SNTG2: variants seen among roughly 807,000 people sequenced by gnomAD.
SNTG2 encodes the protein syntrophin gamma 2.
SNTG2 carries 74 observed loss-of-function variants against 70.9 expected under a neutral mutation model. The observed-to-expected ratio is 1.04, with a 90% CI of 0.86 to 1.27. The LOEUF is 1.27. Ranked by LOEUF, SNTG2 falls within the 50% of genes most tolerant of loss-of-function variation. The pLI is 0.00. For synonymous variants in SNTG2, 278 were observed against 273.8 expected (o/e 1.02, Z -0.15); for missense variants, 717 against 690.7 (o/e 1.04, Z -0.43).
intron 16 of SNTG2, among the ~76,000 whole-genome samples, chr2:1,352,279 C>T (rs769820005): frequency 1.2e-4 from 19 of 152,190 alleles, no homozygotes; most frequent in Admixed American, 5.9e-4. Context: ...TTTGGGGTAC[C>T]GGCCTCTCCT....
At chr2:1,263,643 G>A (rs1045852657) in intron 13 of SNTG2, among the ~76,000 whole-genome samples, 4 of 152,142 alleles carry the variant, frequency 2.6e-5, no homozygotes, top group African/African-American at 9.7e-5. Context: ...CCAGGTAGCT[G>A]CAAAGCAGAC....
intron 1 of SNTG2, among the ~76,000 whole-genome samples, chr2:1,066,868 G>C (rs569201444): frequency 6.6e-6 from 1 of 152,170 alleles, no homozygotes; most frequent in East Asian, 1.9e-4. Flanking sequence ...CAGCTTCCAC[G>C]ATTACTCTCA....
chr2:1,185,607 C>T (rs1277431730), intron 8 of SNTG2, among the ~76,000 whole-genome samples: 2 of 152,222 alleles, frequency 1.3e-5, no homozygotes, highest in African/African-American at 4.8e-5. Flanking sequence ...AGGATTACAA[C>T]TTGCACTCCC....
In SNTG2 at chr2:1,353,891, G is replaced by C. The variant is rs1340979097; in HGVS notation, c.1489-13452G>C. The C allele has an allele frequency of 1.3e-5, 2 of 152,158 alleles. No homozygotes were observed. Among genetic ancestry groups the C allele is most frequent in the African/African-American group, 4.8e-5 (2 of 41,412 alleles). 9.4% of individuals were successfully genotyped at this position (152,158 alleles called of 1,614,324 possible). A position where few individuals can be genotyped will look rare whatever the true frequency, so the allele number is the denominator to read the frequency against. Reference sequence around the variant, plus strand: ...TAATATTAGCATTTATGTGTTGATTGAAAGTGTCACTCTGGTGATAGATGG... The same window carrying C: ...TAATATTAGCATTTATGTGTTGATTCAAAGTGTCACTCTGGTGATAGATGG... On this transcript the variant is annotated intron_variant, in intron 16 of 16. Transcript: ENST00000308624. This position sits in a 1 kb window ranked among gnomAD's most constrained non-coding sequence, Gnocchi z 4.2.
At position 1,087,229 on chromosome 2, in the gene SNTG2, C is replaced by T. The variant is rs147728559; in HGVS notation, c.210+3574C>T. The stretch of plus-strand genomic sequence containing the variant: ...CTGGTGATGCGCACCTGCTGTTGTG[C>T]ACACCTGCTCTTGTCCTCATGGCTG... On this transcript the variant is annotated intron_variant, in intron 2 of 16. Transcript: ENST00000308624. Among the ~76,000 whole-genome samples, 77 of 152,288 alleles carry T rather than the reference C, an allele frequency of 5.1e-4. 1 individual carries two copies. In the East Asian group the frequency reaches 0.014, roughly 28 times the overall value.
chr2:1,203,219 C>G (rs1292122264), intron 8 of SNTG2, among the ~76,000 whole-genome samples: 2 of 152,134 alleles, frequency 1.3e-5, no homozygotes, highest in Non-Finnish European at 2.9e-5. Flanking sequence ...AAGTATCCTG[C>G]AACTGGTGAA....
At chr2:1,159,969 C>T (rs139579915) in intron 6 of SNTG2, among the ~76,000 whole-genome samples, 1 of 152,274 alleles carries the variant, frequency 6.6e-6, no homozygotes, top group Non-Finnish European at 1.5e-5. Flanking sequence ...ATTTGTAAAA[C>T]GGAACACTGC....
At chr2:1,211,299 G>A (rs1478694146) in intron 9 of SNTG2, among the ~76,000 whole-genome samples, 1 of 152,124 alleles carries the variant, frequency 6.6e-6, no homozygotes, top group East Asian at 1.9e-4. Context: ...GTCTATTAGC[G>A]TATTTGAATT....
At chr2:1,044,936 G>A (rs1325711338) in intron 1 of SNTG2, among the ~76,000 whole-genome samples, 1 of 151,688 alleles carries the variant, frequency 6.6e-6, no homozygotes, top group East Asian at 1.9e-4. Context: ...CAATTTTTTT[G>A]GAATAGTTTC....
At chr2:1,168,976 G>GT (rs1222139137) in intron 7 of SNTG2, among the ~76,000 whole-genome samples, 1 of 152,164 alleles carries the variant, frequency 6.6e-6, no homozygotes, top group Non-Finnish European at 1.5e-5. Flanking sequence ...AAACGTTGCT[G>GT]TGAGTTGGGA....
chr2:967,548 T>G (rs1012895067), intron 1 of SNTG2, among the ~76,000 whole-genome samples: 3 of 152,232 alleles, frequency 2.0e-5, no homozygotes, highest in Admixed American at 6.5e-5. Context: ...ATTCTAGAGA[T>G]AAATCCCCTT....
intron 4 of SNTG2, among the ~76,000 whole-genome samples, chr2:1,124,368 C>G (rs1466197956): frequency 6.6e-6 from 1 of 151,284 alleles, no homozygotes; most frequent in African/African-American, 2.4e-5. Flanking sequence ...GATCTCAGCT[C>G]ACTACAAGCT....
Position 1,353,253 on chromosome 2 carries a change from G to A in SNTG2, c.1489-14090G>A, listed in dbSNP as rs1318674654. On this transcript the variant is annotated intron_variant, in intron 16 of 16. Coordinates refer to ENST00000308624, the MANE Select transcript of SNTG2 (RefSeq NM_018968.4). The surrounding 1 kb of genome is among the most constrained non-coding windows in gnomAD (Gnocchi z 4.2). ...ACCACCTCCCGCCCACAGAAACAGT[G>A]GGCGGAAGGAGCACGACCTGAGCTC... Among the ~76,000 whole-genome samples, 1 of 152,132 alleles carries A rather than the reference G, an allele frequency of 6.6e-6. No individual in the cohort carries two copies. The highest frequency in any genetic ancestry group is 1.5e-5 in the Non-Finnish European group (1 of 68,024).
intron 16 of SNTG2, among the ~76,000 whole-genome samples, chr2:1,330,798 G>C (rs926891893): frequency 6.6e-6 from 1 of 152,182 alleles, no homozygotes; most frequent in Non-Finnish European, 1.5e-5. Flanking sequence ...TAAATCCAGC[G>C]GGTGTTGCCA....
At chr2:1,008,461 A>G (rs1360300570) in intron 1 of SNTG2, among the ~76,000 whole-genome samples, 1 of 152,202 alleles carries the variant, frequency 6.6e-6, no homozygotes, top group Non-Finnish European at 1.5e-5. Context: ...GGTAACCATC[A>G]CATGACAATC....
chr2:1,183,118 T>C (rs1255400247), intron 8 of SNTG2, among the ~76,000 whole-genome samples: 1 of 152,214 alleles, frequency 6.6e-6, no homozygotes, highest in African/African-American at 2.4e-5. Flanking sequence ...TTCACATGAA[T>C]GAGAGTCATA....
At chr2:1,331,480 G>T (rs905674673) in intron 16 of SNTG2, among the ~76,000 whole-genome samples, 6 of 152,286 alleles carry the variant, frequency 3.9e-5, no homozygotes, top group Non-Finnish European at 7.4e-5. Flanking sequence ...TAACTTCTGG[G>T]AATGACTTGG....
chr2:1,122,564 C>T (rs1667440822), intron 4 of SNTG2, among the ~76,000 whole-genome samples: 1 of 152,094 alleles, frequency 6.6e-6, no homozygotes, highest in Non-Finnish European at 1.5e-5. Context: ...GTATAGACAG[C>T]ATGTTCACAA....
chr2:1,227,150 G>T (rs976989700), intron 9 of SNTG2, among the ~76,000 whole-genome samples: 1 of 152,244 alleles, frequency 6.6e-6, no homozygotes, highest in Non-Finnish European at 1.5e-5. Flanking sequence ...AAGAGGTTCT[G>T]CGGTGTTTTC....
Sources: gnomAD v4.1 joint callset for allele counts (sites outside exome capture counted in the v4.1 genomes callset) on GRCh38, gnomAD v4.1.1 for gene constraint, Gnocchi (gnomAD v3.1) non-coding constraint, MANE v1.5 for transcripts, NCBI Gene and HGNC (gene_info 2026-07-23, HGNC 2026-07-21) for gene names.